The following PARP4 variants were observed in gnomAD, a reference collection of about 807,000 sequenced individuals.
The protein encoded by PARP4 is poly(ADP-ribose) polymerase family member 4, also known as protein mono-ADP-ribosyltransferase PARP4.
PARP4 carries 120 observed loss-of-function variants against 187.7 expected under a neutral mutation model. That is an observed-to-expected ratio of 0.64 (90% CI 0.55 to 0.74). PARP4 has a LOEUF of 0.74. PARP4 is among the 30% of genes least tolerant of loss of function. The probability of loss-of-function intolerance (pLI) is 0.00; values close to 1 mark genes in which losing one functional copy is unlikely to be tolerated. For synonymous variants in PARP4, 654 were observed against 740.9 expected (o/e 0.88, Z 1.90); for missense variants, 1,836 against 2,070.5 (o/e 0.89, Z 2.20).
rs1871635749 is a variant in PARP4 at position 24,453,413 on chromosome 13, A to G, written c.2826+174T>C. On this transcript the variant is annotated intron_variant, in intron 23 of 33. Transcript: ENST00000381989. ...TTTTTTTCTATTCTTTTTAATTTCC[A>G]ATTTTTCCTTAATGAGTTATCATTT... Among the ~76,000 whole-genome samples the G allele has an allele frequency of 2.0e-5, 3 of 151,996 alleles. No homozygotes were observed. In the South Asian group the frequency reaches 6.2e-4, roughly 32 times the overall value.
chr13:24,508,067 A>G (rs1228732658), intron 1 of PARP4, among the ~76,000 whole-genome samples: 1 of 152,206 alleles, frequency 6.6e-6, no homozygotes, highest in East Asian at 1.9e-4. Context: ...CTCACATTCA[A>G]TTAGCATCTG....
In PARP4 at chr13:24,420,959, G is replaced by T; in HGVS notation, c.*160C>A. On this transcript the variant is annotated 3_prime_UTR_variant, in exon 34 of 34. Coordinates refer to ENST00000381989, the MANE Select transcript of PARP4 (RefSeq NM_006437.4). ...TTTAAGTTTCATTTTATTATTGCTT[G>T]TTAGTTGATTAAAGTAATTCTTCTT... 1 of 815,248 alleles carries T rather than the reference G, an allele frequency of 1.2e-6. No individual in the cohort carries two copies. The highest frequency in any genetic ancestry group is 1.7e-6 in the Non-Finnish European group (1 of 589,664). The allele number at this position is 815,248 out of a possible 1,614,324, so 50.5% of individuals were successfully genotyped here. A position where few individuals can be genotyped will look rare whatever the true frequency, so the allele number is the denominator to read the frequency against.
chr13:24,478,337 T>G (rs1404255009), intron 12 of PARP4, 61 bp from the exon 13 acceptor site: 1 of 1,082,410 alleles, frequency 9.2e-7, no homozygotes, highest in Non-Finnish European at 1.3e-6. Flanking sequence ...AATAACATAC[T>G]ATTGAAAAGA....
chr13:24,465,237 T>C (rs1351226870), intron 17 of PARP4, among the ~76,000 whole-genome samples: 1 of 152,162 alleles, frequency 6.6e-6, no homozygotes, highest in Non-Finnish European at 1.5e-5. Flanking sequence ...TGGGTCTTCC[T>C]CAAAGACCTA....
At chr13:24,457,649 T>C (rs1033969018) in intron 20 of PARP4, among the ~76,000 whole-genome samples, 3 of 151,664 alleles carry the variant, frequency 2.0e-5, no homozygotes, top group African/African-American at 7.3e-5. Flanking sequence ...CAGGCACCTG[T>C]AGTTCCAGCT....
In PARP4 at chr13:24,487,495, C is replaced by T. The variant is rs552398678; in HGVS notation, c.1215-1190G>A. Among the ~76,000 whole-genome samples the T allele has an allele frequency of 7.2e-5, 11 of 152,108 alleles. No homozygotes were observed. In the South Asian group the frequency reaches 2.1e-3, roughly 29 times the overall value. ...ATAACAGGATCTGGATTAAAGATGG[C>T]GGCAGAGTGAATGGAAGTAGCCAAC... On this transcript the variant is annotated intron_variant, in intron 10 of 33. Coordinates refer to ENST00000381989, the MANE Select transcript of PARP4 (RefSeq NM_006437.4).
chr13:24,435,947 AAAT>A (rs1870618195), intron 30 of PARP4, among the ~76,000 whole-genome samples: 1 of 151,500 alleles, frequency 6.6e-6, no homozygotes, highest in African/African-American at 2.4e-5. Context: ...GAAAGAAAGA[AAAT>A]AATGCCACCA....
At chr13:24,441,509 G>T (rs1330804653) in intron 30 of PARP4, among the ~76,000 whole-genome samples, 2 of 152,266 alleles carry the variant, frequency 1.3e-5, no homozygotes, top group African/African-American at 4.8e-5. Flanking sequence ...GGTGAATTTA[G>T]ATTATTAGAT....
At chr13:24,485,666 T>G (rs1013973263) in intron 11 of PARP4, among the ~76,000 whole-genome samples, 1 of 152,160 alleles carries the variant, frequency 6.6e-6, no homozygotes, top group African/African-American at 2.4e-5. Context: ...GAGTTATGTT[T>G]CAAATAAACA....
intron 12 of PARP4, among the ~76,000 whole-genome samples, chr13:24,479,992 C>T (rs1045655799): frequency 1.8e-4 from 27 of 151,946 alleles, no homozygotes; most frequent in African/African-American, 5.3e-4. Flanking sequence ...ACACTCACTG[C>T]GAAGGTCTGC....
At chr13:24,434,226 T>C (rs1870485088) in intron 31 of PARP4, among the ~76,000 whole-genome samples, 169 bp downstream of exon 31, 1 of 150,578 alleles carries the variant, frequency 6.6e-6, no homozygotes. Flanking sequence ...TTTTGTTTTG[T>C]AGCAAGAGTT....
At chr13:24,431,895 T>C (rs1754325414) in intron 31 of PARP4, among the ~76,000 whole-genome samples, 1 of 152,198 alleles carries the variant, frequency 6.6e-6, no homozygotes, top group Admixed American at 6.5e-5. Context: ...TAGAGATTTT[T>C]TAATTTTTAT....
At chr13:24,480,045 G>A (rs1248705500) in intron 12 of PARP4, among the ~76,000 whole-genome samples, 1 of 149,058 alleles carries the variant, frequency 6.7e-6, no homozygotes, top group Non-Finnish European at 1.5e-5. Context: ...CCACCAGAAG[G>A]AAGAAACTCC....
intron 27 of PARP4, among the ~76,000 whole-genome samples, chr13:24,445,975 A>T (rs1179257995): frequency 1.3e-5 from 2 of 152,208 alleles, no homozygotes; most frequent in Non-Finnish European, 2.9e-5. Context: ...GGAAAAACAC[A>T]TATCTGGAAA....
Position 24,512,184 on chromosome 13 carries a change from C to T in PARP4, c.-2+522G>A, listed in dbSNP as rs947275082. Among the ~76,000 whole-genome samples, 4 of 152,316 alleles carry T rather than the reference C, an allele frequency of 2.6e-5. No homozygotes were observed. In the East Asian group the frequency reaches 5.8e-4, roughly 22 times the overall value. On this transcript the variant is annotated intron_variant, in intron 1 of 33. Coordinates refer to ENST00000381989, the MANE Select transcript of PARP4 (RefSeq NM_006437.4). ...ATCCCTGGGTGAACCATTCGGCCCT[C>T]CTAGCAGGAATTACTTAACTGAGTT...
chr13:24,458,025 T>C (rs979264103), intron 20 of PARP4, among the ~76,000 whole-genome samples: 1 of 151,958 alleles, frequency 6.6e-6, no homozygotes, highest in South Asian at 2.1e-4. Context: ...ATTCTAGCAC[T>C]TCGGGAAGCC....
chr13:24,490,542 A>G, intron 10 of PARP4, 126 bp downstream of exon 10: 2 of 771,732 alleles, frequency 2.6e-6, no homozygotes, highest in Non-Finnish European at 4.3e-6. Context: ...GTAATGTGTC[A>G]TCACACCACC....
At chr13:24,460,581 AC>A (rs531334323) in intron 17 of PARP4, among the ~76,000 whole-genome samples, 267 of 151,690 alleles carry the variant, frequency 1.8e-3, no homozygotes, top group African/African-American at 6.3e-3. Context: ...CCTCCATGGC[AC>A]CCAACACCAC....
At chr13:24,501,319 T>G (rs1206045178) in intron 3 of PARP4, among the ~76,000 whole-genome samples, 2 of 152,202 alleles carry the variant, frequency 1.3e-5, no homozygotes, top group Non-Finnish European at 2.9e-5. Context: ...TTCCAGTCAT[T>G]AGGTTGTAGT....
Sources: allele counts gnomAD v4.1 joint callset (sites outside exome capture counted in the v4.1 genomes callset), GRCh38; gene constraint gnomAD v4.1.1; transcripts MANE v1.5; gene names NCBI Gene and HGNC (gene_info 2026-07-23, HGNC 2026-07-21).